Variants in NRCAM observed in about 807,000 individuals in gnomAD.
The protein encoded by NRCAM is NgCAM-related cell adhesion molecule.
Under a neutral mutation model 156.5 loss-of-function variants are expected in NRCAM, and 83 were observed. The ratio of observed to expected loss-of-function variants is 0.53; its 90% confidence interval spans 0.44 to 0.64. The LOEUF (loss-of-function observed/expected upper bound fraction) is 0.64, where lower values mean the gene tolerates loss of function less well. Among genes scored for constraint, NRCAM ranks in the 30% least tolerant of loss-of-function variants. The pLI, the probability that NRCAM is intolerant of heterozygous loss-of-function variation, is 0.00. For missense variants in NRCAM, 1,417 were observed against 1,597.3 expected (o/e 0.89, Z 1.92); for synonymous variants, 538 against 563.9 (o/e 0.95, Z 0.65).
At chr7:108,303,528 A>T (rs1024668646) in intron 3 of NRCAM, among the ~76,000 whole-genome samples, 1 of 152,140 alleles carries the variant, frequency 6.6e-6, no homozygotes, top group African/African-American at 2.4e-5. Context: ...TTCTGAACTC[A>T]GCTCTGACCA....
chr7:108,181,969 T>C (rs2063731749), intron 23 of NRCAM, 32 bp from the exon 24 acceptor site: 1 of 1,501,304 alleles, frequency 6.7e-7, no homozygotes, highest in Non-Finnish European at 9.3e-7. Flanking sequence ...GGTAGAAGTA[T>C]CAATGTTATT....
At chr7:108,423,120 T>A (rs979785534) in intron 1 of NRCAM, among the ~76,000 whole-genome samples, 11 of 152,102 alleles carry the variant, frequency 7.2e-5, no homozygotes, top group African/African-American at 2.7e-4. Context: ...ACTTTCTGCA[T>A]CTTCAGCTTG....
intron 1 of NRCAM, among the ~76,000 whole-genome samples, chr7:108,451,674 A>C (rs944699481): frequency 1.3e-5 from 2 of 152,248 alleles, no homozygotes; most frequent in East Asian, 3.8e-4. Flanking sequence ...CACTATGGTA[A>C]GCAAAATAAA....
chr7:108,167,164 TAAAGACAAG>T, intron 29 of NRCAM, 91 bp from the exon 30 acceptor site: 1 of 927,876 alleles, frequency 1.1e-6, no homozygotes, highest in Non-Finnish European at 1.6e-6. Context: ...CTTTATAAGC[TAAAGACAAG>T]ATGTAGGATG....
chr7:108,386,659 TACA>T (rs2099741672), intron 2 of NRCAM, among the ~76,000 whole-genome samples: 1 of 152,092 alleles, frequency 6.6e-6, no homozygotes, highest in Non-Finnish European at 1.5e-5. Context: ...TTTATAAACA[TACA>T]TAAAGACACC....
intron 2 of NRCAM, among the ~76,000 whole-genome samples, chr7:108,378,969 A>C (rs1225586592): frequency 6.6e-6 from 1 of 152,158 alleles, no homozygotes; most frequent in Non-Finnish European, 1.5e-5. Flanking sequence ...CAGCTAGCTG[A>C]ACCTGAAATC....
intron 2 of NRCAM, among the ~76,000 whole-genome samples, chr7:108,385,532 G>A (rs575793961): frequency 9.2e-5 from 14 of 152,278 alleles, no homozygotes; most frequent in African/African-American, 3.4e-4. Flanking sequence ...AAATCACAGT[G>A]GGATCTCCAA....
chr7:108,261,381 A>G (rs1473820148), intron 3 of NRCAM, among the ~76,000 whole-genome samples: 1 of 152,232 alleles, frequency 6.6e-6, no homozygotes, highest in Admixed American at 6.5e-5. Context: ...AGTAGATAGT[A>G]TAGCTCTCTT....
In NRCAM at chr7:108,312,720, C is replaced by T. The variant is rs1176602232; in HGVS notation, c.-162G>A. The T allele has an allele frequency of 2.0e-5, 3 of 152,184 alleles. 1 individual carries two copies. Among genetic ancestry groups the T allele is most frequent in the East Asian group, 3.8e-4 (2 of 5,200 alleles). The allele number at this position is 152,184 out of a possible 1,614,324, so 9.4% of individuals were successfully genotyped here. A position where few individuals can be genotyped will look rare whatever the true frequency, so the allele number is the denominator to read the frequency against. Reference sequence around the variant, plus strand: ...TTTAATTCTTTAAACCAAACGTCTTCTTAGCATTGCTCTGTGGGTTAAAAA... The same window carrying T: ...TTTAATTCTTTAAACCAAACGTCTTTTTAGCATTGCTCTGTGGGTTAAAAA... On this transcript the variant is annotated 5_prime_UTR_variant, in exon 3 of 33. Transcript: ENST00000379028.
intron 3 of NRCAM, among the ~76,000 whole-genome samples, chr7:108,271,437 C>T (rs940347928): frequency 5.9e-5 from 9 of 152,144 alleles, no homozygotes; most frequent in African/African-American, 1.9e-4. Context: ...GTGGCTCACA[C>T]CTGTAATCCC....
At chr7:108,291,696 GAGAC>G (rs1395286767) in intron 3 of NRCAM, among the ~76,000 whole-genome samples, 4 of 152,170 alleles carry the variant, frequency 2.6e-5, no homozygotes, top group Non-Finnish European at 5.9e-5. Flanking sequence ...GAGAGGAAGA[GAGAC>G]AGAGCGACAG....
At chr7:108,176,302 T>A in intron 27 of NRCAM, 128 bp downstream of exon 27, 1 of 773,832 alleles carries the variant, frequency 1.3e-6, no homozygotes, top group Non-Finnish European at 2.1e-6. Context: ...GAATGAGAAA[T>A]TACAAATAAG....
rs774370983 is a variant in NRCAM, at chr7:108,160,371, A to G, written c.3588T>C (p.Gly1196=). The part of the protein sequence containing the change: ...IVCFIRRNKG[G]KYPVKEKEDA... ...ATCTTTCTTTCTTACCTGGATATTT[A>G]CCACCCTTGTTTCTTCTGATGAAGC... Residue 1196 remains glycine (G), a synonymous_variant, in exon 31 of 33, where the codon GGT becomes GGC. Coordinates refer to ENST00000379028, the MANE Select transcript of NRCAM (RefSeq NM_001037132.4). The G allele has an allele frequency of 6.2e-7, 1 of 1,613,266 alleles. No individual in the cohort carries two copies. Among genetic ancestry groups the G allele is most frequent in the Admixed American group, 1.7e-5 (1 of 59,954 alleles).
intron 3 of NRCAM, among the ~76,000 whole-genome samples, chr7:108,275,038 G>A (rs997972157): frequency 2.6e-5 from 4 of 152,130 alleles, no homozygotes; most frequent in East Asian, 1.9e-4. Flanking sequence ...GATGGATTAC[G>A]TTTATTGATT....
chr7:108,406,030 C>G (rs1342876541), intron 1 of NRCAM, among the ~76,000 whole-genome samples: 1 of 151,430 alleles, frequency 6.6e-6, no homozygotes, highest in African/African-American at 2.4e-5. Context: ...TGCTGTGTTC[C>G]CAGGAATTCA....
At chr7:108,327,351 C>A (rs988870216) in intron 2 of NRCAM, among the ~76,000 whole-genome samples, 1 of 152,144 alleles carries the variant, frequency 6.6e-6, no homozygotes, top group African/African-American at 2.4e-5. Flanking sequence ...GCACTATATA[C>A]AAACATAAGT....
intron 13 of NRCAM, among the ~76,000 whole-genome samples, 154 bp from the exon 14 acceptor site, chr7:108,198,253 T>C (rs2076158066): frequency 6.6e-6 from 1 of 152,346 alleles, no homozygotes; most frequent in South Asian, 2.1e-4. Context: ...ACATTTTCCT[T>C]CTCAGAATTG....
intron 2 of NRCAM, among the ~76,000 whole-genome samples, chr7:108,384,566 G>A (rs1337297177): frequency 6.6e-6 from 1 of 152,158 alleles, no homozygotes; most frequent in Non-Finnish European, 1.5e-5. Flanking sequence ...AGTGATAAGA[G>A]TAAAAATAAA....
chr7:108,206,181 TG>T (rs1310413194), intron 13 of NRCAM, among the ~76,000 whole-genome samples: 1 of 152,208 alleles, frequency 6.6e-6, no homozygotes, highest in Non-Finnish European at 1.5e-5. Context: ...TAAATATTCA[TG>T]GGGCAGGCTA....
Sources: allele counts gnomAD v4.1 joint callset (sites outside exome capture counted in the v4.1 genomes callset), GRCh38; gene constraint gnomAD v4.1.1; transcripts MANE v1.5; gene names NCBI Gene and HGNC (gene_info 2026-07-23, HGNC 2026-07-21).